Variants in NALF1 observed in about 807,000 individuals in gnomAD.
NALF1 encodes NALCN channel auxiliary factor 1.
In NALF1, 3 loss-of-function variants were observed where a neutral mutation model predicts 48.4. That is an observed-to-expected ratio of 0.06 (90% confidence interval 0.03 to 0.16). NALF1 has a LOEUF of 0.16. Among genes scored for constraint, NALF1 ranks in the 10% least tolerant of loss-of-function variants. The pLI is 1.00. For synonymous variants in NALF1, 262 were observed against 245.7 expected, an observed-to-expected ratio of 1.07 and a Z score of -0.62; for missense variants, 526 against 571.5, an observed-to-expected ratio of 0.92 and a Z score of 0.81.
intron 1 of NALF1, among the ~76,000 whole-genome samples, chr13:107,498,540 G>A (rs1875412322): frequency 6.6e-6 from 1 of 152,122 alleles, no homozygotes; most frequent in African/African-American, 2.4e-5. Context: ...AATGATCACA[G>A]GGAAAGATAT....
At chr13:107,494,855 G>C (rs952288829) in intron 1 of NALF1, among the ~76,000 whole-genome samples, 1 of 152,140 alleles carries the variant, frequency 6.6e-6, no homozygotes, top group Non-Finnish European at 1.5e-5. Flanking sequence ...AAACAAAACA[G>C]AGAATACTGA....
At chr13:107,757,542 A>T (rs1173538037) in intron 1 of NALF1, among the ~76,000 whole-genome samples, 1 of 151,666 alleles carries the variant, frequency 6.6e-6, no homozygotes, top group Non-Finnish European at 1.5e-5. Context: ...GACAGTAAGG[A>T]GCCATGGTTA....
At chr13:107,799,804 C>T (rs1312611096) in intron 1 of NALF1, among the ~76,000 whole-genome samples, 6 of 152,166 alleles carry the variant, frequency 3.9e-5, no homozygotes, top group Admixed American at 2.0e-4. Context: ...TTTTCAGGTT[C>T]CCTTTACTTT....
chr13:107,239,548 A>G (rs192842055), intron 1 of NALF1, among the ~76,000 whole-genome samples: 1 of 152,366 alleles, frequency 6.6e-6, no homozygotes, highest in Admixed American at 6.5e-5. Flanking sequence ...ACAAGGACCA[A>G]GGGTTAAGAC....
rs150375569 is a variant in NALF1, at chr13:107,752,865, CTATAAT to C, written c.915+112811_915+112816del. ...TGTTTGTGCTTTTCTAATAGTGAATCTATAATTATACGTATAAAAAACAGAAAGGAA... is the reference window on the plus strand; with the variant it reads ...TGTTTGTGCTTTTCTAATAGTGAATCTATACGTATAAAAAACAGAAAGGAA... On this transcript the variant is annotated intron_variant, in intron 1 of 2. Transcript: ENST00000375915. Among the ~76,000 whole-genome samples, 580 of 152,260 alleles carry C rather than the reference CTATAAT, an allele frequency of 3.8e-3. 3 individuals carry two copies. Among genetic ancestry groups the C allele is most frequent in the African/African-American group, 0.013 (555 of 41,550 alleles).
chr13:107,583,198 A>G (rs73593189), intron 1 of NALF1, among the ~76,000 whole-genome samples: 6,490 of 152,174 alleles, frequency 0.043, 230 homozygotes, highest in African/African-American at 0.1. Flanking sequence ...ACATTATGCT[A>G]TTTATGAAAC....
intron 1 of NALF1, among the ~76,000 whole-genome samples, chr13:107,497,804 T>C (rs1282821229): frequency 2.6e-5 from 4 of 152,202 alleles, no homozygotes; most frequent in African/African-American, 9.6e-5. Flanking sequence ...GCTCCTCTGG[T>C]AGACGGAGGC....
Position 107,772,240 on chromosome 13 carries a change from T to G in NALF1, c.915+93442A>C, listed in dbSNP as rs374554868. Among the ~76,000 whole-genome samples the G allele has an allele frequency of 2.2e-3, 342 of 152,252 alleles. 14 individuals are homozygous for G. The South Asian group carries it at 0.069, about 31-fold the overall frequency. ...CACTTTGGCTACTTTACTTTCTTAATAAACTTGTTTTTACTTTGCACTGCG... is the reference window on the plus strand; with the variant it reads ...CACTTTGGCTACTTTACTTTCTTAAGAAACTTGTTTTTACTTTGCACTGCG... On this transcript the variant is annotated intron_variant, in intron 1 of 2. Transcript: ENST00000375915.
rs185834097 is a variant in NALF1, at chr13:107,633,970, C to A, written c.915+231712G>T. 1.4e-3 allele frequency among the ~76,000 whole-genome samples: 173 copies of A among 126,442 alleles called. 1 individual carries two copies. The highest frequency in any genetic ancestry group is 2.1e-3 in the Non-Finnish European group (124 of 58,062). 83.0% of individuals were successfully genotyped at this position (126,442 alleles called of 152,430 possible). ...CTGTATATATGGATATACATACATACATCCTGTTTTACCAAATTGATCTAT... is the reference window on the plus strand; with the variant it reads ...CTGTATATATGGATATACATACATAAATCCTGTTTTACCAAATTGATCTAT... On this transcript the variant is annotated intron_variant, in intron 1 of 2. Coordinates refer to ENST00000375915, the MANE Select transcript of NALF1 (RefSeq NM_001080396.3).
intron 1 of NALF1, among the ~76,000 whole-genome samples, chr13:107,852,772 C>A (rs895742562): frequency 6.6e-6 from 1 of 152,118 alleles, no homozygotes; most frequent in Non-Finnish European, 1.5e-5. Flanking sequence ...AGTACATTAT[C>A]TGTTGTCATG....
chr13:107,491,332 C>G (rs890685533), intron 1 of NALF1, among the ~76,000 whole-genome samples: 1 of 152,186 alleles, frequency 6.6e-6, no homozygotes, highest in Non-Finnish European at 1.5e-5. Flanking sequence ...AGGTGACTGA[C>G]TACAGGTTTG....
chr13:107,222,837 CTGAA>C (rs902127855), intron 1 of NALF1, among the ~76,000 whole-genome samples: 1 of 152,116 alleles, frequency 6.6e-6, no homozygotes, highest in Non-Finnish European at 1.5e-5. Flanking sequence ...CCATTAGTGC[CTGAA>C]TGAATGAATG....
intron 1 of NALF1, among the ~76,000 whole-genome samples, chr13:107,793,995 C>T (rs1178902585): frequency 6.6e-6 from 1 of 152,132 alleles, no homozygotes; most frequent in East Asian, 1.9e-4. Flanking sequence ...TAGACCTATT[C>T]ATTCTTACTT....
rs1328737481 is a variant in NALF1 at position 107,169,003 on chromosome 13, T to G, written c.*1494A>C. The stretch of plus-strand genomic sequence containing the variant: ...TTGTTTTGTTTGTTTGTTTGTTTTT[T>G]TAAAAACAGCCCTTATTAACTCTTC... On this transcript the variant is annotated 3_prime_UTR_variant, in exon 3 of 3. Transcript: ENST00000375915. 6.6e-6 allele frequency: 1 copy of G among 152,624 alleles called. No individual in the cohort carries two copies. The highest frequency in any genetic ancestry group is 2.4e-5 in the African/African-American group (1 of 41,450). The allele number at this position is 152,624 out of a possible 1,614,324, so 9.5% of individuals were successfully genotyped here. A position where few individuals can be genotyped will look rare whatever the true frequency, so the allele number is the denominator to read the frequency against.
At chr13:107,279,296 C>T (rs532948082) in intron 1 of NALF1, among the ~76,000 whole-genome samples, 21 of 151,838 alleles carry the variant, frequency 1.4e-4, no homozygotes, top group Non-Finnish European at 2.4e-4. Flanking sequence ...ATTCTTGTTG[C>T]CCGGGCTGGA....
intron 1 of NALF1, among the ~76,000 whole-genome samples, chr13:107,407,041 C>A (rs192102317): frequency 6.6e-6 from 1 of 151,772 alleles, no homozygotes; most frequent in Admixed American, 6.6e-5. Flanking sequence ...CAATAAATGG[C>A]CCTAGGAAAA....
intron 2 of NALF1, among the ~76,000 whole-genome samples, chr13:107,187,341 T>C (rs1879196145): frequency 6.6e-6 from 1 of 152,202 alleles, no homozygotes; most frequent in Admixed American, 6.5e-5. Flanking sequence ...TGTTCTTTTC[T>C]GTTGTGTCTT....
chr13:107,372,227 A>C (rs1883260510), intron 1 of NALF1, among the ~76,000 whole-genome samples: 1 of 152,246 alleles, frequency 6.6e-6, no homozygotes, highest in South Asian at 2.1e-4. Flanking sequence ...AACAATGTAC[A>C]TGGAATTCAA....
intron 1 of NALF1, among the ~76,000 whole-genome samples, chr13:107,403,498 T>C (rs765869549): frequency 6.6e-6 from 1 of 151,920 alleles, no homozygotes; most frequent in Non-Finnish European, 1.5e-5. Flanking sequence ...ACTCTGTTTA[T>C]TTGGTCCTTA....
Sources: gnomAD v4.1 joint callset for allele counts (sites outside exome capture counted in the v4.1 genomes callset) on GRCh38, gnomAD v4.1.1 for gene constraint, MANE v1.5 for transcripts, NCBI Gene and HGNC (gene_info 2026-07-23, HGNC 2026-07-21) for gene names.